Variants in WWC1 observed in about 807,000 individuals in gnomAD.
WWC1 encodes WW and C2 domain containing 1.
In WWC1, 55 loss-of-function variants were observed where a neutral mutation model predicts 138.4. The observed-to-expected ratio is 0.40, with a 90% CI of 0.32 to 0.50. The LOEUF (loss-of-function observed/expected upper bound fraction) is 0.50, where lower values mean the gene tolerates loss of function less well. WWC1 is among the 20% of genes least tolerant of loss of function. The pLI is 0.72. For synonymous variants in WWC1, 524 were observed against 564.9 expected (o/e 0.93, Z 1.03); for missense variants, 1,226 against 1,420.4 (o/e 0.86, Z 2.20).
At chr5:168,454,183 G>C in intron 18 of WWC1, 83 bp downstream of exon 18, 2 of 1,553,320 alleles carry the variant, frequency 1.3e-6, no homozygotes, top group Non-Finnish European at 1.7e-6. Context: ...AAAAGACTCA[G>C]AGCTAAGTCT....
At chr5:168,303,100 G>A (rs1049441277) in intron 1 of WWC1, among the ~76,000 whole-genome samples, 6 of 152,088 alleles carry the variant, frequency 3.9e-5, no homozygotes, top group South Asian at 2.1e-4. Flanking sequence ...AATTATCCCC[G>A]TTTTGCAGAC....
chr5:168,468,643 G>A (rs1757498674), intron 22 of WWC1, among the ~76,000 whole-genome samples: 1 of 152,212 alleles, frequency 6.6e-6, no homozygotes, highest in Non-Finnish European at 1.5e-5. Context: ...TTTAAACTGA[G>A]AAGCCTCTGA....
chr5:168,313,597 A>AT (rs1157202521), intron 1 of WWC1, among the ~76,000 whole-genome samples: 1 of 149,048 alleles, frequency 6.7e-6, no homozygotes, highest in African/African-American at 2.4e-5. Flanking sequence ...TCAAAAACGA[A>AT]AAAAAAAAAA....
At chr5:168,303,467 G>A (rs909137775) in intron 1 of WWC1, among the ~76,000 whole-genome samples, 1 of 151,974 alleles carries the variant, frequency 6.6e-6, no homozygotes, top group African/African-American at 2.4e-5. Context: ...AAATGAGCTG[G>A]GCATGGTGGT....
intron 1 of WWC1, among the ~76,000 whole-genome samples, chr5:168,356,370 G>C (rs940239386): frequency 6.6e-6 from 1 of 152,238 alleles, no homozygotes; most frequent in Admixed American, 6.5e-5. Context: ...CTGTGAACCT[G>C]GGTCCCTGGG....
At chr5:168,404,370 TTGCCGACCTGATAGGCC>T (rs1779622295) in intron 5 of WWC1, among the ~76,000 whole-genome samples, 3 of 152,238 alleles carry the variant, frequency 2.0e-5, no homozygotes, top group Admixed American at 2.0e-4. Context: ...GGGCCGGTCC[TTGCCGACCTGATAGGCC>T]TGCCGAGGCC....
At chr5:168,448,519 A>AT (rs1307320680) in intron 17 of WWC1, among the ~76,000 whole-genome samples, 1 of 151,392 alleles carries the variant, frequency 6.6e-6, no homozygotes, top group Non-Finnish European at 1.5e-5. Context: ...GGGAACTCGT[A>AT]TTTGTCTGGG....
chr5:168,408,452 C>T, intron 6 of WWC1, 55 bp from the exon 7 acceptor site: 2 of 1,594,492 alleles, frequency 1.3e-6, no homozygotes, highest in South Asian at 2.3e-5. Context: ...GCGTGGCAGA[C>T]CCAGAGCTCC....
chr5:168,430,330 C>A, intron 14 of WWC1, 107 bp downstream of exon 14: 1 of 879,052 alleles, frequency 1.1e-6, no homozygotes, highest in Non-Finnish European at 1.8e-6. Context: ...CTTGTCAAGG[C>A]ACTGTGGGTT....
At position 168,450,154 on chromosome 5, in the gene WWC1, G is replaced by A. The variant is rs1030552515; in HGVS notation, c.2526-3814G>A. On this transcript the variant is annotated intron_variant, in intron 17 of 22. Coordinates refer to ENST00000265293, the MANE Select transcript of WWC1 (RefSeq NM_015238.3). The stretch of plus-strand genomic sequence containing the variant: ...CACTGTCTCATGCTGATCAGAAGCC[G>A]GGCAGTTCTGTATGTCTTTCAGAAG... Among the ~76,000 whole-genome samples the A allele has an allele frequency of 3.9e-5, 6 of 152,148 alleles. No homozygotes were observed. In the East Asian group the frequency reaches 5.8e-4, roughly 15 times the overall value.
intron 1 of WWC1, among the ~76,000 whole-genome samples, chr5:168,362,433 G>T (rs1775949537): frequency 6.6e-6 from 1 of 152,184 alleles, no homozygotes; most frequent in South Asian, 2.1e-4. Context: ...CAGTGAGTCT[G>T]GCTCCAGAGC....
At chr5:168,382,291 C>T (rs143794516) in intron 2 of WWC1, among the ~76,000 whole-genome samples, 19 of 152,138 alleles carry the variant, frequency 1.2e-4, no homozygotes, top group South Asian at 2.1e-4. Flanking sequence ...TATATATAGG[C>T]GTGTATGTGT....
chr5:168,467,470 T>A (rs1257516734), intron 21 of WWC1, among the ~76,000 whole-genome samples: 1 of 152,152 alleles, frequency 6.6e-6, no homozygotes, highest in East Asian at 1.9e-4. Flanking sequence ...TTCCACCACT[T>A]CTTAGTAGTC....
chr5:168,340,239 C>A (rs1245658581), intron 1 of WWC1, among the ~76,000 whole-genome samples: 3 of 152,034 alleles, frequency 2.0e-5, no homozygotes, highest in African/African-American at 7.3e-5. Flanking sequence ...TCATGCCCGG[C>A]TAAGTTTTGT....
At chr5:168,356,536 C>T (rs959217703) in intron 1 of WWC1, among the ~76,000 whole-genome samples, 5 of 152,192 alleles carry the variant, frequency 3.3e-5, no homozygotes, top group African/African-American at 4.8e-5. Flanking sequence ...ATCTGGGAAT[C>T]GAATGTGATA....
intron 1 of WWC1, among the ~76,000 whole-genome samples, chr5:168,333,219 C>T (rs1034959513): frequency 6.6e-6 from 1 of 152,204 alleles, no homozygotes; most frequent in Non-Finnish European, 1.5e-5. Context: ...ACTACGAATT[C>T]ACTAACCAAT....
rs1312874125 is a variant in WWC1, at chr5:168,292,908, T to C, written c.119+637T>C. 6.6e-6 allele frequency among the ~76,000 whole-genome samples: 1 copy of C among 152,076 alleles called. No individual in the cohort carries two copies. The highest frequency in any genetic ancestry group is 2.1e-4 in the South Asian group (1 of 4,820). On this transcript the variant is annotated intron_variant, in intron 1 of 22. Coordinates refer to ENST00000265293, the MANE Select transcript of WWC1 (RefSeq NM_015238.3). This position sits in a 1 kb window ranked among gnomAD's most constrained non-coding sequence, Gnocchi z 4.4. ...GCGGGGGAGGGCAGATGAGGGAGAC[T>C]GGTTATCCAGGAATCTGGCAGCAAC...
chr5:168,395,420 G>A (rs1016464651), intron 3 of WWC1, among the ~76,000 whole-genome samples: 1 of 152,192 alleles, frequency 6.6e-6, no homozygotes, highest in Non-Finnish European at 1.5e-5. Context: ...GTGAGAAATG[G>A]TGTTAACTGT....
At chr5:168,442,709 C>T (rs1754894166) in intron 16 of WWC1, among the ~76,000 whole-genome samples, 2 of 151,248 alleles carry the variant, frequency 1.3e-5, no homozygotes, top group South Asian at 4.2e-4. Context: ...TGATGGCAGT[C>T]ATCTGTAATC....
Sources: gnomAD v4.1 joint callset for allele counts (sites outside exome capture counted in the v4.1 genomes callset) on GRCh38, gnomAD v4.1.1 for gene constraint, Gnocchi (gnomAD v3.1) non-coding constraint, MANE v1.5 for transcripts, NCBI Gene and HGNC (gene_info 2026-07-23, HGNC 2026-07-21) for gene names.